The following PNKD variants were observed in gnomAD, a reference collection of about 807,000 sequenced individuals.
PNKD encodes probable thioesterase PNKD.
In PNKD, 36 loss-of-function variants were observed where a neutral mutation model predicts 45.3. The observed-to-expected ratio is 0.80, with a 90% CI of 0.61 to 1.05. The LOEUF (loss-of-function observed/expected upper bound fraction) is 1.05. Among genes scored for constraint, PNKD ranks in the 50% least tolerant of loss-of-function variants. The probability of loss-of-function intolerance (pLI) is 0.00; values close to 1 mark genes in which losing one functional copy is unlikely to be tolerated. For synonymous variants in PNKD, 197 were observed against 210.1 expected (o/e 0.94, Z 0.54); for missense variants, 511 against 506.6 (o/e 1.01, Z -0.08).
intron 2 of PNKD, among the ~76,000 whole-genome samples, chr2:218,325,235 T>A (rs1346332168): frequency 1.7e-5 from 2 of 118,476 alleles, no homozygotes; most frequent in Non-Finnish European, 3.4e-5. Context: ...GACGGGCTCT[T>A]GCTCTGTTCC....
chr2:218,336,842 G>T (rs1694511191), intron 2 of PNKD, among the ~76,000 whole-genome samples: 1 of 127,502 alleles, frequency 7.8e-6, no homozygotes, highest in African/African-American at 3.0e-5. Flanking sequence ...TGTTGCCCAG[G>T]CTGGAGTGCA....
chr2:218,325,936 A>C (rs549069833), intron 2 of PNKD, among the ~76,000 whole-genome samples: 65 of 152,308 alleles, frequency 4.3e-4, no homozygotes, highest in Middle Eastern at 3.4e-3. Flanking sequence ...TAGTCTGGGA[A>C]ACAATCAGTC....
chr2:218,323,253 G>T (rs748395743), intron 2 of PNKD: 3 of 1,482,482 alleles, frequency 2.0e-6, no homozygotes, highest in African/African-American at 2.9e-5. Context: ...CGGCCGGCGC[G>T]TGCCTGCCCC....
Position 218,340,862 on chromosome 2 carries a change from C to A in PNKD, c.524+76C>A. On this transcript the variant is annotated intron_variant, in intron 5 of 9. Transcript: ENST00000273077. This position sits in a 1 kb window ranked among gnomAD's most constrained non-coding sequence, Gnocchi z 4.2. ...CAGGACTGGGCCCATTGAGGACGGCCGGGGCCAGAGATCAAGAAGTCAGTA... is the reference window on the plus strand; with the variant it reads ...CAGGACTGGGCCCATTGAGGACGGCAGGGGCCAGAGATCAAGAAGTCAGTA... 1.6e-6 allele frequency: 2 copies of A among 1,250,476 alleles called. No homozygotes were observed. The highest frequency in any genetic ancestry group is 1.2e-5 in the South Asian group (1 of 83,918). 77.5% of individuals were successfully genotyped at this position (1,250,476 alleles called of 1,614,324 possible).
At chr2:218,285,473 C>T (rs1171517696) in intron 2 of PNKD, among the ~76,000 whole-genome samples, 1 of 152,196 alleles carries the variant, frequency 6.6e-6, no homozygotes, top group Admixed American at 6.5e-5. Context: ...CTACTCAGGC[C>T]CTCCACACCA....
chr2:218,307,742 A>G (rs1264604273), intron 2 of PNKD, among the ~76,000 whole-genome samples: 1 of 152,140 alleles, frequency 6.6e-6, no homozygotes, highest in Admixed American at 6.5e-5. Flanking sequence ...AGTAATGAGT[A>G]TACAGGTGGT....
intron 2 of PNKD, chr2:218,279,456 A>G: frequency 9.1e-7 from 1 of 1,097,890 alleles, no homozygotes; most frequent in Non-Finnish European, 1.3e-6. Context: ...AACCCTCCCT[A>G]GCTGCAGCCT....
intron 2 of PNKD, among the ~76,000 whole-genome samples, chr2:218,333,024 C>T (rs772577224): frequency 1.3e-5 from 2 of 152,224 alleles, no homozygotes; most frequent in Non-Finnish European, 2.9e-5. Flanking sequence ...GTTTCCAGCA[C>T]GAATGTCACC....
chr2:218,297,854 T>C (rs1693182579), intron 2 of PNKD, among the ~76,000 whole-genome samples: 1 of 150,122 alleles, frequency 6.7e-6, no homozygotes, highest in African/African-American at 2.5e-5. Context: ...AAAAATTAGC[T>C]GGACGTGATG....
chr2:218,329,917 G>C (rs1440519910), intron 2 of PNKD, among the ~76,000 whole-genome samples: 1 of 152,182 alleles, frequency 6.6e-6, no homozygotes. Context: ...TCTCAGACAG[G>C]CACTTTCAGT....
intron 2 of PNKD, among the ~76,000 whole-genome samples, chr2:218,310,468 C>A (rs1372588867): frequency 6.6e-6 from 1 of 152,056 alleles, no homozygotes; most frequent in Non-Finnish European, 1.5e-5. Flanking sequence ...GTTATCCCCC[C>A]ACCTCGACCT....
In PNKD at chr2:218,344,860, A is replaced by T; in HGVS notation, c.1037A>T (p.His346Leu). The change falls in exon 10 of 10, where the codon CAC becomes CTC. Residue 346 changes from histidine to leucine, a missense_variant. By Grantham distance (99) the His-to-Leu change is moderately conservative. Coordinates refer to ENST00000273077, the MANE Select transcript of PNKD (RefSeq NM_015488.5). ...ERSYNPFLRT[H>L]CLALQEALGP... ...TCCTACAACCCGTTCCTGAGAACCC[A>T]CTGCCTGGCGCTACAGGAGGCTCTG... 1 of 1,613,988 alleles carries T rather than the reference A, an allele frequency of 6.2e-7. No homozygotes were observed. The highest frequency in any genetic ancestry group is 8.5e-7 in the Non-Finnish European group (1 of 1,179,870).
intron 2 of PNKD, among the ~76,000 whole-genome samples, chr2:218,331,795 T>A (rs1694330342): frequency 6.6e-6 from 1 of 152,210 alleles, no homozygotes; most frequent in African/African-American, 2.4e-5. Context: ...ATGAATATAG[T>A]CATATTGTTT....
chr2:218,345,057 A>C lies in PNKD; in HGVS notation c.*76A>C. ...CCACCAACACCTCATCATCCTTCTC[A>C]TCGCTAACACCACCACCTCCATCGG... On this transcript the variant is annotated 3_prime_UTR_variant, in exon 10 of 10. Transcript: ENST00000273077. 1.0e-5 allele frequency: 12 copies of C among 1,153,376 alleles called. No individual in the cohort carries two copies. The highest frequency in any genetic ancestry group is 1.5e-5 in the African/African-American group (1 of 65,022). The allele number at this position is 1,153,376 out of a possible 1,614,324, so 71.4% of individuals were successfully genotyped here. A position where few individuals can be genotyped will look rare whatever the true frequency, so the allele number is the denominator to read the frequency against.
At chr2:218,299,455 A>C (rs1693219808) in intron 2 of PNKD, among the ~76,000 whole-genome samples, 1 of 149,874 alleles carries the variant, frequency 6.7e-6, no homozygotes, top group Non-Finnish European at 1.5e-5. Context: ...TTGTTTATTC[A>C]TTTATTTTTG....
At chr2:218,278,382 T>C in intron 2 of PNKD, 1 of 919,880 alleles carries the variant, frequency 1.1e-6, no homozygotes, top group Non-Finnish European at 1.7e-6. Flanking sequence ...ACAGTAGCTG[T>C]CATCGTCATC....
intron 2 of PNKD, among the ~76,000 whole-genome samples, chr2:218,291,484 G>C (rs1692924636): frequency 6.6e-6 from 1 of 152,130 alleles, no homozygotes; most frequent in African/African-American, 2.4e-5. Flanking sequence ...ACACCTGAGG[G>C]CCCTTCCATG....
intron 2 of PNKD, among the ~76,000 whole-genome samples, chr2:218,327,384 A>G (rs1694184306): frequency 6.6e-6 from 1 of 152,120 alleles, no homozygotes; most frequent in African/African-American, 2.4e-5. Context: ...AGCCCCCCGA[A>G]TGAGGCCAGG....
intron 2 of PNKD, among the ~76,000 whole-genome samples, chr2:218,314,540 T>G (rs538819600): frequency 6.6e-6 from 1 of 152,268 alleles, no homozygotes; most frequent in East Asian, 1.9e-4. Flanking sequence ...CTGGCTATAC[T>G]TGGATTTTCT....
Sources: gnomAD v4.1 joint callset for allele counts (sites outside exome capture counted in the v4.1 genomes callset) on GRCh38, gnomAD v4.1.1 for gene constraint, Gnocchi (gnomAD v3.1) non-coding constraint, MANE v1.5 for transcripts, NCBI Gene and HGNC (gene_info 2026-07-23, HGNC 2026-07-21) for gene names.